The following ABCC11 variants were observed in gnomAD, a reference collection of about 807,000 sequenced individuals.
The protein encoded by ABCC11 is ATP binding cassette subfamily C member 11.
A neutral mutation model predicts 149.3 loss-of-function variants in ABCC11; 135 were observed. The ratio of observed to expected loss-of-function variants is 0.90; its 90% CI spans 0.79 to 1.04. The LOEUF (loss-of-function observed/expected upper bound fraction) is 1.04. ABCC11 is among the 50% of genes least tolerant of loss of function. ABCC11 has a pLI of 0.00. For synonymous variants in ABCC11, 665 were observed against 671.4 expected, an observed-to-expected ratio of 0.99 and a Z score of 0.15; for missense variants, 1,680 against 1,722.1, an observed-to-expected ratio of 0.98 and a Z score of 0.43.
At chr16:48,194,329 G>T (rs1596722436) in intron 18 of ABCC11, among the ~76,000 whole-genome samples, 1 of 152,336 alleles carries the variant, frequency 6.6e-6, no homozygotes, top group South Asian at 2.1e-4. Flanking sequence ...GCCTGGCACA[G>T]GGCAGTGTTC....
At position 48,222,623 on chromosome 16, in the gene ABCC11, G is replaced by C; in HGVS notation, c.752C>G (p.Ser251Cys). ...FAFEKLIQFK[S>C]VIHITSGEAI... ...CTCTCCTGAGGTGATGTGTATTACA[G>C]ACTTAAATTGGATGAGCTTCTCAAA... The change falls in exon 6 of 30, where the codon TCT (serine) becomes TGT (cysteine). Residue 251 changes from serine (S) to cysteine (C), a missense_variant. Physicochemically the swap from Ser to Cys is moderately radical, Grantham distance 112. Transcript: ENST00000356608. 1.2e-6 allele frequency: 2 copies of C among 1,614,142 alleles called. No homozygotes were observed. Among genetic ancestry groups the C allele is most frequent in the Non-Finnish European group, 1.7e-6 (2 of 1,179,998 alleles).
intron 22 of ABCC11, among the ~76,000 whole-genome samples, chr16:48,186,440 T>C (rs113064714): frequency 0.016 from 2,508 of 152,340 alleles, 29 homozygotes; most frequent in Non-Finnish European, 0.029. Flanking sequence ...AGACCGTGCT[T>C]GATTATTCTC....
At chr16:48,240,301 A>G (rs1267402165) in intron 1 of ABCC11, among the ~76,000 whole-genome samples, 1 of 152,222 alleles carries the variant, frequency 6.6e-6, no homozygotes, top group Non-Finnish European at 1.5e-5. Context: ...TAGACTGGAT[A>G]AAGAAAATAT....
intron 1 of ABCC11, among the ~76,000 whole-genome samples, chr16:48,242,898 G>T (rs1246236539): frequency 6.6e-6 from 1 of 151,996 alleles, no homozygotes; most frequent in African/African-American, 2.4e-5. Flanking sequence ...GCCTGTCGTT[G>T]GGTGGTGGGG....
At chr16:48,229,282 G>T (rs1382034142) in intron 3 of ABCC11, among the ~76,000 whole-genome samples, 1 of 151,970 alleles carries the variant, frequency 6.6e-6, no homozygotes, top group Non-Finnish European at 1.5e-5. Context: ...AAGTACCAAG[G>T]TTCTTTGTTC....
intron 4 of ABCC11, 61 bp from the exon 5 acceptor site, chr16:48,224,490 G>C: frequency 6.4e-7 from 1 of 1,570,932 alleles, no homozygotes; most frequent in Non-Finnish European, 8.7e-7. Context: ...AAACATCCTA[G>C]TTCTTGCTAG....
At chr16:48,175,119 G>A in intron 26 of ABCC11, 139 bp downstream of exon 26, 2 of 1,091,114 alleles carry the variant, frequency 1.8e-6, no homozygotes, top group Non-Finnish European at 2.6e-6. Flanking sequence ...AGGTAAGCCA[G>A]GTAGGCATGA....
At chr16:48,244,638 C>A in intron 1 of ABCC11, 1 of 1,343,624 alleles carries the variant, frequency 7.4e-7, no homozygotes, top group Non-Finnish European at 9.5e-7. Flanking sequence ...CTGGCTGCCC[C>A]CGCGGCGGCG....
chr16:48,194,826 C>T (rs1967246877), intron 18 of ABCC11, among the ~76,000 whole-genome samples: 1 of 152,202 alleles, frequency 6.6e-6, no homozygotes, highest in African/African-American at 2.4e-5. Flanking sequence ...TCCCAGTCTC[C>T]AGAACAGTGA....
chr16:48,167,423 G>T (rs2150699538), intron 29 of ABCC11, 57 bp from the exon 30 acceptor site: 1 of 1,581,284 alleles, frequency 6.3e-7, no homozygotes, highest in Non-Finnish European at 8.7e-7. Flanking sequence ...TTGTGTCCTT[G>T]GAGGACTCAA....
intron 26 of ABCC11, among the ~76,000 whole-genome samples, chr16:48,173,559 C>T (rs1965848529): frequency 6.6e-6 from 1 of 152,316 alleles, no homozygotes; most frequent in Admixed American, 6.5e-5. Flanking sequence ...TCTACTGTAA[C>T]ATAGAAATCT....
At position 48,237,789 on chromosome 16, in the gene ABCC11, T is replaced by C. The variant is rs144241742; in HGVS notation, c.-18-5850A>G. On this transcript the variant is annotated intron_variant, in intron 1 of 29. Coordinates refer to ENST00000356608, the MANE Select transcript of ABCC11 (RefSeq NM_001370497.1). Reference sequence around the variant, plus strand: ...TTCCTCAAACACCCTAAATTCATTCTAGCCACAGGGTCTTTGCAAGTGCTG... The same window carrying C: ...TTCCTCAAACACCCTAAATTCATTCCAGCCACAGGGTCTTTGCAAGTGCTG... Among the ~76,000 whole-genome samples, 229 of 152,296 alleles carry C rather than the reference T, an allele frequency of 1.5e-3. 1 individual carries two copies. Among genetic ancestry groups the C allele is most frequent in the African/African-American group, 5.2e-3 (218 of 41,564 alleles).
chr16:48,187,053 C>T lies in ABCC11; in HGVS notation c.2971G>A (p.Glu991Lys). ...KKAIGVFKRL[E>K]NYSRSPLFSH... ...AATAAAGGAGACCGGCTATAGTTCT[C>T]CAGTCTCTTGAACACACCGATGGCC... The change falls in exon 22 of 30, where the codon GAG (glutamate) becomes AAG (lysine). Residue 991 changes from glutamate (E) to lysine (K), a missense_variant. Coordinates refer to ENST00000356608, the MANE Select transcript of ABCC11 (RefSeq NM_001370497.1). The T allele has an allele frequency of 6.2e-7, 1 of 1,614,174 alleles. No individual in the cohort carries two copies.
intron 5 of ABCC11, 89 bp from the exon 6 acceptor site, chr16:48,222,920 A>C (rs1054917956): frequency 4.4e-6 from 5 of 1,124,164 alleles, no homozygotes; most frequent in Non-Finnish European, 5.1e-6. Flanking sequence ...GGGAGGTCTG[A>C]TTCATGCTGG....
intron 1 of ABCC11, chr16:48,244,270 G>A: frequency 1.4e-6 from 1 of 701,222 alleles, no homozygotes; most frequent in Non-Finnish European, 2.2e-6. Context: ...ACGGACCGTA[G>A]CGCGTAGCCG....
intron 25 of ABCC11, among the ~76,000 whole-genome samples, chr16:48,176,581 C>A (rs920400797): frequency 6.6e-6 from 1 of 152,158 alleles, no homozygotes; most frequent in Non-Finnish European, 1.5e-5. Flanking sequence ...GACCCTATAC[C>A]CCTCAGCTTA....
downstream of ABCC11, chr16:48,165,045 G>C (rs1965291587): frequency 2.0e-5 from 3 of 152,092 alleles, no homozygotes; most frequent in South Asian, 6.2e-4. Flanking sequence ...TTTGGGACGA[G>C]GCTGCCATCT....
intron 11 of ABCC11, chr16:48,209,884 G>T (rs1968772424): frequency 1.3e-5 from 2 of 152,228 alleles, no homozygotes; most frequent in African/African-American, 4.8e-5. Flanking sequence ...CCCTCTGTCT[G>T]CTGTATGGTA....
chr16:48,240,908 T>A (rs1463525687), intron 1 of ABCC11, among the ~76,000 whole-genome samples: 1 of 151,990 alleles, frequency 6.6e-6, no homozygotes, highest in East Asian at 1.9e-4. Flanking sequence ...CATTTCACCA[T>A]CATATATCAC....
Sources: allele counts gnomAD v4.1 joint callset (sites outside exome capture counted in the v4.1 genomes callset), GRCh38; gene constraint gnomAD v4.1.1; transcripts MANE v1.5; gene names NCBI Gene and HGNC (gene_info 2026-07-23, HGNC 2026-07-21).